TLL1: variants seen among roughly 807,000 people sequenced by gnomAD.
TLL1 encodes the protein tolloid-like protein 1.
Under a neutral mutation model 128.2 loss-of-function variants are expected in TLL1, and 49 were observed. The ratio of observed to expected loss-of-function variants is 0.38; its 90% CI spans 0.30 to 0.48. The LOEUF (loss-of-function observed/expected upper bound fraction) is 0.48. Among genes scored for constraint, TLL1 ranks in the 20% least tolerant of loss-of-function variants. The probability of loss-of-function intolerance (pLI) is 0.96; values close to 1 mark genes in which losing one functional copy is unlikely to be tolerated. For missense variants in TLL1, 1,123 were observed against 1,242.0 expected (o/e 0.90, Z 1.44); for synonymous variants, 454 against 418.8 (o/e 1.08, Z -1.03).
chr4:165,972,058 C>T (rs1479571094), intron 1 of TLL1, among the ~76,000 whole-genome samples: 1 of 152,084 alleles, frequency 6.6e-6, no homozygotes, highest in Admixed American at 6.6e-5. Flanking sequence ...ATGTGGATTG[C>T]AGTCCAAGAG....
At chr4:165,953,985 C>A (rs1034406501) in intron 1 of TLL1, among the ~76,000 whole-genome samples, 1 of 152,012 alleles carries the variant, frequency 6.6e-6, no homozygotes, top group Non-Finnish European at 1.5e-5. Flanking sequence ...TTATTTATTT[C>A]TTTTCAATTT....
intron 9 of TLL1, among the ~76,000 whole-genome samples, chr4:166,037,196 G>A (rs538405487): frequency 1.4e-4 from 21 of 152,208 alleles, no homozygotes; most frequent in African/African-American, 5.1e-4. Context: ...CAGACTTAAA[G>A]TAAACACAAA....
At chr4:166,073,829 C>A (rs971976523) in intron 16 of TLL1, among the ~76,000 whole-genome samples, 4 of 151,998 alleles carry the variant, frequency 2.6e-5, no homozygotes, top group South Asian at 2.1e-4. Flanking sequence ...AATTTCTAGG[C>A]CACCAAGAGC....
intron 17 of TLL1, among the ~76,000 whole-genome samples, chr4:166,075,788 C>T (rs1740994333): frequency 6.6e-6 from 1 of 152,148 alleles, no homozygotes; most frequent in South Asian, 2.1e-4. Context: ...AGGTACCTGA[C>T]TCTAACCACA....
At chr4:166,000,707 A>T (rs1266662183) in intron 5 of TLL1, among the ~76,000 whole-genome samples, 12 of 152,126 alleles carry the variant, frequency 7.9e-5, no homozygotes, top group Admixed American at 7.9e-4. Flanking sequence ...TATCTCCAAA[A>T]TTTGAAATTT....
intron 12 of TLL1, among the ~76,000 whole-genome samples, chr4:166,052,045 A>G (rs1224030078): frequency 3.3e-5 from 5 of 152,142 alleles, no homozygotes; most frequent in African/African-American, 1.2e-4. Context: ...GAATGATTGT[A>G]TATCTATTAA....
chr4:166,037,439 G>A (rs1262133160), intron 9 of TLL1, among the ~76,000 whole-genome samples: 1 of 152,132 alleles, frequency 6.6e-6, no homozygotes, highest in African/African-American at 2.4e-5. Context: ...ACCTTACAAT[G>A]AGGTGAAGAA....
chr4:166,038,487 T>C (rs537367733), intron 9 of TLL1, among the ~76,000 whole-genome samples: 2 of 129,914 alleles, frequency 1.5e-5, no homozygotes, highest in African/African-American at 2.8e-5. Context: ...AGTTTTTGAA[T>C]GTGAAAAAAA....
rs140731174 is a variant in TLL1, at chr4:165,996,528, G to A, written c.632+1350G>A. The stretch of plus-strand genomic sequence containing the variant: ...GCAGGAGAATAGCTGGAACCTGGGA[G>A]GCAGAGGTTGCAGTGAGCCGAGATT... On this transcript the variant is annotated intron_variant, in intron 5 of 20. Coordinates refer to ENST00000061240, the MANE Select transcript of TLL1 (RefSeq NM_012464.5). Among the ~76,000 whole-genome samples, 34 of 152,226 alleles carry A rather than the reference G, an allele frequency of 2.2e-4. No individual in the cohort carries two copies. The East Asian group carries it at 6.6e-3, about 29-fold the overall frequency.
chr4:165,895,095 T>C (rs1247305691), intron 1 of TLL1, among the ~76,000 whole-genome samples: 1 of 152,150 alleles, frequency 6.6e-6, no homozygotes, highest in African/African-American at 2.4e-5. Flanking sequence ...AAGGCCTGCT[T>C]GCATTCCTGG....
At chr4:165,896,086 C>A (rs1241961644) in intron 1 of TLL1, among the ~76,000 whole-genome samples, 1 of 152,028 alleles carries the variant, frequency 6.6e-6, no homozygotes, top group African/African-American at 2.4e-5. Context: ...CTCCTCTAAC[C>A]CCCTACCCCC....
chr4:166,097,557 A>G (rs986116475), intron 19 of TLL1, among the ~76,000 whole-genome samples: 2 of 152,142 alleles, frequency 1.3e-5, no homozygotes, highest in Admixed American at 6.6e-5. Context: ...GTTGTTTATG[A>G]CAATGCCCAT....
At chr4:165,956,346 A>G (rs1008421004) in intron 1 of TLL1, among the ~76,000 whole-genome samples, 1 of 152,062 alleles carries the variant, frequency 6.6e-6, no homozygotes, top group African/African-American at 2.4e-5. Flanking sequence ...GGAGGAGACC[A>G]GGGTGTATCT....
intron 1 of TLL1, among the ~76,000 whole-genome samples, chr4:165,956,538 T>C (rs529396804): frequency 6.6e-6 from 1 of 151,808 alleles, no homozygotes; most frequent in African/African-American, 2.4e-5. Flanking sequence ...GAAAAGTGAC[T>C]TTTTTTGCCT....
chr4:165,968,658 G>T (rs1735500079), intron 1 of TLL1, among the ~76,000 whole-genome samples: 1 of 152,100 alleles, frequency 6.6e-6, no homozygotes, highest in African/African-American at 2.4e-5. Flanking sequence ...ACATTCAATG[G>T]CCTAAAAGGG....
intron 15 of TLL1, among the ~76,000 whole-genome samples, chr4:166,064,611 G>A (rs1261405351): frequency 6.6e-6 from 1 of 151,974 alleles, no homozygotes; most frequent in South Asian, 2.1e-4. Context: ...AAAGGCCTGA[G>A]CAAAAACTTG....
intron 12 of TLL1, chr4:166,044,328 A>G (rs1378318244): frequency 3.9e-6 from 6 of 1,526,246 alleles, no homozygotes; most frequent in South Asian, 2.4e-5. Context: ...TACTGAGGGC[A>G]GTGACCGTGG....
chr4:166,011,864 C>T (rs1737709520), intron 7 of TLL1, among the ~76,000 whole-genome samples: 1 of 151,382 alleles, frequency 6.6e-6, no homozygotes, highest in Admixed American at 6.6e-5. Context: ...CTGTCAAATA[C>T]TTCTTCTATA....
intron 17 of TLL1, 91 bp downstream of exon 17, chr4:166,075,094 A>G (rs989796175): frequency 5.6e-5 from 87 of 1,553,744 alleles, no homozygotes; most frequent in Admixed American, 1.2e-4. Context: ...AATCATTTCA[A>G]TGAGTGATAT....
Sources: allele counts gnomAD v4.1 joint callset (sites outside exome capture counted in the v4.1 genomes callset), GRCh38; gene constraint gnomAD v4.1.1; transcripts MANE v1.5; gene names NCBI Gene and HGNC (gene_info 2026-07-23, HGNC 2026-07-21).